The following RHBDF2 variants were observed in gnomAD, a reference collection of about 807,000 sequenced individuals.
RHBDF2 encodes inactive rhomboid protein 2.
RHBDF2 carries 38 observed loss-of-function variants against 95.2 expected under a neutral mutation model. The observed-to-expected ratio is 0.40, with a 90% CI of 0.31 to 0.52. The LOEUF (loss-of-function observed/expected upper bound fraction) is 0.52, where lower values mean the gene tolerates loss of function less well. RHBDF2 is among the 20% of genes least tolerant of loss of function. The pLI is 0.56. For synonymous variants in RHBDF2, 442 were observed against 462.0 expected, an observed-to-expected ratio of 0.96 and a Z score of 0.55; for missense variants, 863 against 1,137.7, an observed-to-expected ratio of 0.76 and a Z score of 3.47.
chr17:76,498,298 G>A (rs1348088243), intron 1 of RHBDF2, among the ~76,000 whole-genome samples: 4 of 152,196 alleles, frequency 2.6e-5, no homozygotes, highest in Non-Finnish European at 4.4e-5. Context: ...AGCCGCTTCC[G>A]ACAGCCAGCG....
At chr17:76,491,936 G>A (rs2074312339) in intron 1 of RHBDF2, among the ~76,000 whole-genome samples, 1 of 152,188 alleles carries the variant, frequency 6.6e-6, no homozygotes, top group Non-Finnish European at 1.5e-5. Flanking sequence ...CTCACTGCAG[G>A]GGAAATGGTG....
intron 3 of RHBDF2, among the ~76,000 whole-genome samples, chr17:76,480,676 C>T (rs1318869213): frequency 6.6e-6 from 1 of 152,154 alleles, no homozygotes; most frequent in Non-Finnish European, 1.5e-5. Context: ...ATGAGGCGAC[C>T]TCGCCCAGCC....
chr17:76,481,815 G>A lies in RHBDF2; in HGVS notation c.-21-270C>T, dbSNP rs147729970. On this transcript the variant is annotated intron_variant, in intron 2 of 18. Transcript: ENST00000675367. ...TAAAAATACAAAAAATTAGCTAGGC[G>A]TGGTGGCACGTGCCTGTAATCCCAG... is the stretch of plus-strand genomic sequence containing the variant. 1,858 of 230,542 alleles carry A rather than the reference G, an allele frequency of 8.1e-3. 36 individuals carry two copies. Among genetic ancestry groups the A allele is most frequent in the African/African-American group, 0.038 (1,719 of 45,034 alleles). 14.3% of individuals were successfully genotyped at this position (230,542 alleles called of 1,614,324 possible). A position where few individuals can be genotyped will look rare whatever the true frequency, so the allele number is the denominator to read the frequency against.
Sources: allele counts gnomAD v4.1 joint callset (sites outside exome capture counted in the v4.1 genomes callset), GRCh38; gene constraint gnomAD v4.1.1; transcripts MANE v1.5; gene names NCBI Gene and HGNC (gene_info 2026-07-23, HGNC 2026-07-21).